The following MOB1A variants were observed in gnomAD, a reference collection of about 807,000 sequenced individuals.
The protein encoded by MOB1A is MOB kinase activator 1A.
A neutral mutation model predicts 25.1 loss-of-function variants in MOB1A; 10 were observed. That is an observed-to-expected ratio of 0.40 (90% confidence interval 0.25 to 0.68). The LOEUF is 0.68. Among genes scored for constraint, MOB1A ranks in the 30% least tolerant of loss-of-function variants. The pLI is 0.40. For synonymous variants in MOB1A, 81 were observed against 79.5 expected (o/e 1.02, Z -0.10); for missense variants, 177 against 256.3 (o/e 0.69, Z 2.11).
intron 1 of MOB1A, 62 bp downstream of exon 1, chr2:74,178,599 G>A (rs1404832402): frequency 6.2e-6 from 8 of 1,281,536 alleles, no homozygotes; most frequent in Non-Finnish European, 8.1e-6. Context: ...CCTCAGGTCC[G>A]GGGAGGCCTC....
intron 5 of MOB1A, among the ~76,000 whole-genome samples, chr2:74,157,053 T>C (rs1692825852): frequency 6.6e-6 from 1 of 151,190 alleles, no homozygotes; most frequent in Admixed American, 6.6e-5. Flanking sequence ...GCTAAGAGTA[T>C]CTTGTATGCT....
At chr2:74,171,524 C>T (rs1234604586) in intron 2 of MOB1A, among the ~76,000 whole-genome samples, 1 of 152,116 alleles carries the variant, frequency 6.6e-6, no homozygotes, top group Non-Finnish European at 1.5e-5. Context: ...TGGTCACAAA[C>T]TGATATTTGT....
In MOB1A at chr2:74,169,562, A is replaced by G. The variant is rs548070894; in HGVS notation, c.182-2455T>C. On this transcript the variant is annotated intron_variant, in intron 2 of 5. Transcript: ENST00000396049. ...CAGTTTTAATTTCCAACAGAGTATCACGAGATATACCCAATATAATTAAAA... is the reference window on the plus strand; with the variant it reads ...CAGTTTTAATTTCCAACAGAGTATCGCGAGATATACCCAATATAATTAAAA... Among the ~76,000 whole-genome samples, 3 of 152,290 alleles carry G rather than the reference A, an allele frequency of 2.0e-5. No individual in the cohort carries two copies. In the South Asian group the frequency reaches 6.2e-4, roughly 32 times the overall value.
intron 4 of MOB1A, among the ~76,000 whole-genome samples, chr2:74,159,685 A>G (rs1692905388): frequency 6.6e-6 from 1 of 152,190 alleles, no homozygotes; most frequent in African/African-American, 2.4e-5. Context: ...AGCCAAGGAA[A>G]TGAAAACCCA....
In MOB1A at chr2:74,156,654, A is replaced by G. The variant is rs1337976334; in HGVS notation, c.574-9T>C. The G allele has an allele frequency of 5.6e-5, 86 of 1,539,440 alleles. No individual in the cohort carries two copies. The highest frequency in any genetic ancestry group is 7.0e-5 in the Non-Finnish European group (80 of 1,138,364). On this transcript the variant is annotated splice_polypyrimidine_tract_variant and intron_variant, in intron 5 of 5. Coordinates refer to ENST00000396049, the MANE Select transcript of MOB1A (RefSeq NM_018221.5). The stretch of plus-strand genomic sequence containing the variant: ...TCAATCAGATTAAACTCCTAAAAAG[A>G]GAAGAAAAATAACAATTAAAAATGG...
Position 74,156,775 on chromosome 2 carries a change from C to G in MOB1A, c.574-130G>C, listed in dbSNP as rs568462025. On this transcript the variant is annotated intron_variant, in intron 5 of 5. Coordinates refer to ENST00000396049, the MANE Select transcript of MOB1A (RefSeq NM_018221.5). Reference sequence around the variant, plus strand: ...AGAATGATGAAATAACCTCTGTGAACATTTTAAAGTAGGCATTTATTCTTT... The same window carrying G: ...AGAATGATGAAATAACCTCTGTGAAGATTTTAAAGTAGGCATTTATTCTTT... The G allele has an allele frequency of 1.3e-4, 84 of 661,368 alleles. No homozygotes were observed. The South Asian group carries it at 1.5e-3, about 12-fold the overall frequency. 41.0% of individuals were successfully genotyped at this position (661,368 alleles called of 1,614,324 possible).
Position 74,172,628 on chromosome 2 carries a change from A to T in MOB1A, c.139T>A (p.Leu47Met). 1 of 1,613,958 alleles carries T rather than the reference A, an allele frequency of 6.2e-7. No homozygotes were observed. Among genetic ancestry groups the T allele is most frequent in the South Asian group, 1.1e-5 (1 of 91,082 alleles). Residue 47 changes from leucine (L) to methionine (M), a missense_variant, in exon 2 of 6, where the codon TTG becomes ATG. By Grantham distance (15) the Leu-to-Met change is conservative. Coordinates refer to ENST00000396049, the MANE Select transcript of MOB1A (RefSeq NM_018221.5). ...GSGNLRQAVM[L>M]PEGEDLNEWI... ...TCATTGAGATCCTCTCCCTCAGGCA[A>T]CATAACAGCTTGTCTCAGATTCCCA...
Position 74,155,607 on chromosome 2 carries a change from A to G in MOB1A, c.*961T>C, listed in dbSNP as rs1183791111. On this transcript the variant is annotated 3_prime_UTR_variant, in exon 6 of 6. Transcript: ENST00000396049. ...AAGGCTCAAGAGACAATAAAAACAT[A>G]GAAGTAATTTTTTAATAAAAGGAAA... 1 of 152,560 alleles carries G rather than the reference A, an allele frequency of 6.6e-6. No homozygotes were observed. Among genetic ancestry groups the G allele is most frequent in the Non-Finnish European group, 1.5e-5 (1 of 67,988 alleles). 9.5% of individuals were successfully genotyped at this position (152,560 alleles called of 1,614,324 possible).
At chr2:74,170,578 T>C (rs1051716024) in intron 2 of MOB1A, among the ~76,000 whole-genome samples, 1 of 151,188 alleles carries the variant, frequency 6.6e-6, no homozygotes, top group East Asian at 2.0e-4. Flanking sequence ...CTACTAAAAA[T>C]AGAAAAATTA....
chr2:74,166,769 G>C (rs1270913781), intron 3 of MOB1A, among the ~76,000 whole-genome samples: 1 of 152,200 alleles, frequency 6.6e-6, no homozygotes, highest in Non-Finnish European at 1.5e-5. Context: ...CCGGAAGGCA[G>C]AGGTTGTTAG....
chr2:74,162,935 G>C (rs1196540303), intron 4 of MOB1A, among the ~76,000 whole-genome samples: 2 of 152,194 alleles, frequency 1.3e-5, no homozygotes, highest in African/African-American at 4.8e-5. Flanking sequence ...ATAGGCAACA[G>C]ATACTGGAAA....
Position 74,178,828 on chromosome 2 carries a change from G to T in MOB1A, c.-154C>A. 1 of 429,026 alleles carries T rather than the reference G, an allele frequency of 2.3e-6. No homozygotes were observed. The allele number at this position is 429,026 out of a possible 1,614,324, so 26.6% of individuals were successfully genotyped here. ...GGGTTTCTGGCCGCTGCGAGCCTTTGCAAACCTCGGCGCCCGCCTTGCCCG... is the reference window on the plus strand; with the variant it reads ...GGGTTTCTGGCCGCTGCGAGCCTTTTCAAACCTCGGCGCCCGCCTTGCCCG... On this transcript the variant is annotated 5_prime_UTR_variant, in exon 1 of 6. Coordinates refer to ENST00000396049, the MANE Select transcript of MOB1A (RefSeq NM_018221.5).
At chr2:74,166,105 A>C (rs1376655873) in intron 3 of MOB1A, among the ~76,000 whole-genome samples, 1 of 151,268 alleles carries the variant, frequency 6.6e-6, no homozygotes, top group African/African-American at 2.5e-5. Context: ...GTCATTTATT[A>C]TAAGAAAAAA....
chr2:74,166,897 C>A, intron 3 of MOB1A, 117 bp downstream of exon 3: 3 of 704,488 alleles, frequency 4.3e-6, no homozygotes, highest in East Asian at 2.6e-5. Context: ...AGTCAAGAAC[C>A]AATAAAACTG....
At chr2:74,178,625 C>T in intron 1 of MOB1A, 36 bp downstream of exon 1, 1 of 1,380,490 alleles carries the variant, frequency 7.2e-7, no homozygotes, top group Non-Finnish European at 9.4e-7. Flanking sequence ...CAACCTCGGC[C>T]CGCAGGCCCG....
intron 2 of MOB1A, 58 bp downstream of exon 2, chr2:74,172,527 AC>A: frequency 1.3e-6 from 2 of 1,515,410 alleles, no homozygotes; most frequent in Non-Finnish European, 1.8e-6. Context: ...AAATTCATTA[AC>A]AAAGAGATTT....
At chr2:74,160,985 G>A (rs1327098208) in intron 4 of MOB1A, among the ~76,000 whole-genome samples, 1 of 152,098 alleles carries the variant, frequency 6.6e-6, no homozygotes, top group Non-Finnish European at 1.5e-5. Flanking sequence ...CTTGAACCCA[G>A]GAGGCGGAGG....
intron 2 of MOB1A, among the ~76,000 whole-genome samples, chr2:74,170,259 C>CT (rs1227452659): frequency 6.6e-6 from 1 of 151,798 alleles, no homozygotes; most frequent in Non-Finnish European, 1.5e-5. Flanking sequence ...CTGCCTCAGC[C>CT]TCCAAGTAGC....
chr2:74,157,329 G>C (rs1370755820), intron 5 of MOB1A, among the ~76,000 whole-genome samples: 1 of 152,050 alleles, frequency 6.6e-6, no homozygotes, highest in African/African-American at 2.4e-5. Flanking sequence ...TGCCTGGAGA[G>C]AGCATGGAAG....
Sources: gnomAD v4.1 joint callset for allele counts (sites outside exome capture counted in the v4.1 genomes callset) on GRCh38, gnomAD v4.1.1 for gene constraint, MANE v1.5 for transcripts, NCBI Gene and HGNC (gene_info 2026-07-23, HGNC 2026-07-21) for gene names.